The following TCP11L1 variants were observed in gnomAD, a reference collection of about 807,000 sequenced individuals.
The protein encoded by TCP11L1 is t-complex 11 like 1, also known as T-complex protein 11-like protein 1.
Under a neutral mutation model 48.9 loss-of-function variants are expected in TCP11L1, and 28 were observed. The ratio of observed to expected loss-of-function variants is 0.57; its 90% CI spans 0.42 to 0.78. The LOEUF (loss-of-function observed/expected upper bound fraction) is 0.78. Ranked by LOEUF, TCP11L1 falls within the 30% of genes least tolerant of loss-of-function variation. The pLI, the probability that TCP11L1 is intolerant of heterozygous loss-of-function variation, is 0.00. For synonymous variants in TCP11L1, 204 were observed against 231.9 expected (o/e 0.88, Z 1.09); for missense variants, 505 against 613.4 (o/e 0.82, Z 1.87).
At chr11:33,049,764 C>CT (rs1854103803) in intron 2 of TCP11L1, among the ~76,000 whole-genome samples, 1 of 152,210 alleles carries the variant, frequency 6.6e-6, no homozygotes, top group Non-Finnish European at 1.5e-5. Flanking sequence ...CCAAGACATT[C>CT]TATTGCCCAG....
intron 3 of TCP11L1, among the ~76,000 whole-genome samples, 166 bp downstream of exon 3, chr11:33,054,891 C>T (rs1854265715): frequency 6.6e-6 from 1 of 152,222 alleles, no homozygotes; most frequent in South Asian, 2.1e-4. Flanking sequence ...CAAATAAAAG[C>T]TCTAAAAATC....
At chr11:33,072,104 A>C (rs978685691) in intron 9 of TCP11L1, among the ~76,000 whole-genome samples, 2 of 152,064 alleles carry the variant, frequency 1.3e-5, no homozygotes, top group South Asian at 2.1e-4. Context: ...TTAGCCTCCC[A>C]AAGTGCTGGG....
At chr11:33,039,843 G>C (rs1225033290) in intron 1 of TCP11L1, 51 bp downstream of exon 1, 1 of 152,508 alleles carries the variant, frequency 6.6e-6, no homozygotes, top group Non-Finnish European at 1.5e-5. Flanking sequence ...CGGGAGGCGC[G>C]CGGTCCAAGT....
At chr11:33,057,795 G>A (rs1854351812) in intron 4 of TCP11L1, 124 bp from the exon 5 acceptor site, 2 of 797,854 alleles carry the variant, frequency 2.5e-6, no homozygotes, top group African/African-American at 1.7e-5. Context: ...TGTTGAATAA[G>A]AAGTAAAATA....
chr11:33,065,217 C>A (rs1854580637), intron 7 of TCP11L1, among the ~76,000 whole-genome samples: 1 of 152,134 alleles, frequency 6.6e-6, no homozygotes, highest in Admixed American at 6.5e-5. Context: ...TGTGGGAGTC[C>A]CCATTCTGCA....
intron 2 of TCP11L1, 165 bp downstream of exon 2, chr11:33,044,101 C>T: frequency 1.6e-6 from 1 of 609,790 alleles, no homozygotes; most frequent in Non-Finnish European, 2.6e-6. Flanking sequence ...AGCCTAGCTA[C>T]TTGTGGATTT....
In TCP11L1 at chr11:33,072,855, A is replaced by G; in HGVS notation, c.*179A>G. 4 of 681,398 alleles carry G rather than the reference A, an allele frequency of 5.9e-6. No individual in the cohort carries two copies. Among genetic ancestry groups the G allele is most frequent in the South Asian group, 3.8e-5 (2 of 52,338 alleles). The allele number at this position is 681,398 out of a possible 1,614,324, so 42.2% of individuals were successfully genotyped here. A position where few individuals can be genotyped will look rare whatever the true frequency, so the allele number is the denominator to read the frequency against. ...CTTGTTGAGAAATCCACTGAATTCT[A>G]TTTTGAGAGATTGTATTTATGAGTG... On this transcript the variant is annotated 3_prime_UTR_variant, in exon 10 of 10. Coordinates refer to ENST00000334274, the MANE Select transcript of TCP11L1 (RefSeq NM_018393.4).
At chr11:33,068,395 T>C (rs779620309) in intron 8 of TCP11L1, among the ~76,000 whole-genome samples, 1 of 151,908 alleles carries the variant, frequency 6.6e-6, no homozygotes, top group Non-Finnish European at 1.5e-5. Flanking sequence ...CATTCCAGGC[T>C]GATTTTATCA....
At chr11:33,065,332 C>G (rs1854583330) in intron 7 of TCP11L1, among the ~76,000 whole-genome samples, 1 of 152,066 alleles carries the variant, frequency 6.6e-6, no homozygotes, top group African/African-American at 2.4e-5. Flanking sequence ...GGTGCAATCT[C>G]AGCTCACTGC....
chr11:33,045,343 A>T (rs1274633180), intron 2 of TCP11L1, among the ~76,000 whole-genome samples: 6 of 132,668 alleles, frequency 4.5e-5, no homozygotes, highest in Non-Finnish European at 9.7e-5. Context: ...ACAAAGTAAG[A>T]CCCTGTCTCA....
intron 2 of TCP11L1, among the ~76,000 whole-genome samples, chr11:33,053,965 A>G (rs959936684): frequency 2.6e-5 from 4 of 152,168 alleles, no homozygotes; most frequent in African/African-American, 9.6e-5. Flanking sequence ...ACAGGCATGC[A>G]CCACCATGCC....
chr11:33,064,677 G>A (rs549909765), intron 7 of TCP11L1, among the ~76,000 whole-genome samples: 15 of 152,094 alleles, frequency 9.9e-5, no homozygotes, highest in African/African-American at 2.4e-5. Context: ...TTATTTACTC[G>A]CCAGTTCTTA....
At position 33,073,125 on chromosome 11, in the gene TCP11L1, A is replaced by C. The variant is rs1854844994; in HGVS notation, c.*449A>C. On this transcript the variant is annotated 3_prime_UTR_variant, in exon 10 of 10. Transcript: ENST00000334274. ...TTGTCCCTCACCCCTCCCTTCTGGT[A>C]TTTTTGTTAGAAGGGCTATATAACG... The C allele has an allele frequency of 5.8e-6, 1 of 172,052 alleles. No homozygotes were observed. The highest frequency in any genetic ancestry group is 1.3e-5 in the Non-Finnish European group (1 of 78,912). The allele number at this position is 172,052 out of a possible 1,614,324, so 10.7% of individuals were successfully genotyped here. A position where few individuals can be genotyped will look rare whatever the true frequency, so the allele number is the denominator to read the frequency against.
At chr11:33,067,191 G>A (rs539732109) in intron 8 of TCP11L1, among the ~76,000 whole-genome samples, 4 of 152,254 alleles carry the variant, frequency 2.6e-5, no homozygotes, top group African/African-American at 7.2e-5. Flanking sequence ...GCATCTGCAC[G>A]CGTGCAGGCT....
At position 33,061,704 on chromosome 11, in the gene TCP11L1, A is replaced by G; in HGVS notation, c.950A>G (p.His317Arg). Residue 317 changes from histidine (H) to arginine (R), a missense_variant, in exon 7 of 10, where the codon CAC becomes CGC. Physicochemically the swap from His to Arg is conservative, Grantham distance 29. Coordinates refer to ENST00000334274, the MANE Select transcript of TCP11L1 (RefSeq NM_018393.4). ...YAYLKLLKWD[H>R]LQRPFPETVL... ...TACCTGAAGCTTCTGAAGTGGGACC[A>G]CCTCCAGAGGCCGTTCCCCGAAGTA... 1 of 1,603,428 alleles carries G rather than the reference A, an allele frequency of 6.2e-7. No individual in the cohort carries two copies. The highest frequency in any genetic ancestry group is 8.5e-7 in the Non-Finnish European group (1 of 1,173,522).
At chr11:33,068,933 T>C in intron 9 of TCP11L1, 74 bp downstream of exon 9, 1 of 1,539,936 alleles carries the variant, frequency 6.5e-7, no homozygotes, top group Non-Finnish European at 8.8e-7. Flanking sequence ...TGAAGAAACC[T>C]GAGGGCTCAG....
chr11:33,064,304 C>T (rs11032136), intron 7 of TCP11L1, among the ~76,000 whole-genome samples: 20,246 of 152,086 alleles, frequency 0.13, 1,558 homozygotes, highest in Middle Eastern at 0.22. Flanking sequence ...GAAAACAGGC[C>T]GACGATGAGT....
intron 3 of TCP11L1, chr11:33,056,565 A>G (rs904831022): frequency 3.6e-5 from 6 of 168,960 alleles, no homozygotes; most frequent in Non-Finnish European, 7.8e-5. Flanking sequence ...TCTTATTATT[A>G]TTATTTTATT....
intron 9 of TCP11L1, among the ~76,000 whole-genome samples, chr11:33,069,208 G>A (rs529059979): frequency 3.3e-5 from 5 of 152,296 alleles, no homozygotes; most frequent in African/African-American, 1.2e-4. Context: ...ATGAGAAGGT[G>A]AAGCGCTTTC....
Sources: allele counts gnomAD v4.1 joint callset (sites outside exome capture counted in the v4.1 genomes callset), GRCh38; gene constraint gnomAD v4.1.1; transcripts MANE v1.5; gene names NCBI Gene and HGNC (gene_info 2026-07-23, HGNC 2026-07-21).